KATNIP: variants seen among roughly 807,000 people sequenced by gnomAD.
The protein encoded by KATNIP is katanin-interacting protein.
In KATNIP, 126 loss-of-function variants were observed where a neutral mutation model predicts 174.0. That is an observed-to-expected ratio of 0.72 (90% CI 0.63 to 0.84). KATNIP has a LOEUF of 0.84. Among genes scored for constraint, KATNIP ranks in the 40% least tolerant of loss-of-function variants. The probability of loss-of-function intolerance (pLI) is 0.00; values close to 1 mark genes in which losing one functional copy is unlikely to be tolerated. For missense variants in KATNIP, 1,958 were observed against 2,109.7 expected (o/e 0.93, Z 1.41); for synonymous variants, 810 against 835.7 (o/e 0.97, Z 0.53).
intron 8 of KATNIP, among the ~76,000 whole-genome samples, chr16:27,696,894 A>G (rs1471018196): frequency 6.6e-6 from 1 of 151,864 alleles, no homozygotes; most frequent in African/African-American, 2.4e-5. Context: ...ACACCCAGCT[A>G]ATTTTTGTAT....
At chr16:27,681,049 C>CT (rs2078319006) in intron 7 of KATNIP, 1 of 284,032 alleles carries the variant, frequency 3.5e-6, no homozygotes, top group East Asian at 8.2e-5. Flanking sequence ...CTAGGCTGGT[C>CT]TTTATCTCCT....
chr16:27,624,275 G>T (rs1341240343), intron 3 of KATNIP, among the ~76,000 whole-genome samples: 1 of 152,106 alleles, frequency 6.6e-6, no homozygotes, highest in Non-Finnish European at 1.5e-5. Flanking sequence ...GGCCCACGAG[G>T]AGGAGACTCC....
chr16:27,660,214 A>G (rs1008653836), intron 6 of KATNIP, among the ~76,000 whole-genome samples: 1 of 152,128 alleles, frequency 6.6e-6, no homozygotes, highest in Non-Finnish European at 1.5e-5. Flanking sequence ...GAAATCGTAA[A>G]TCCTAGGTAT....
Position 27,777,649 on chromosome 16 carries a change from G to T in KATNIP, c.4591G>T (p.Ala1531Ser). Residue 1531 changes from alanine to serine, a missense_variant, in exon 26 of 28, where the codon GCC becomes TCC. By Grantham distance (99) the Ala-to-Ser change is moderately conservative. This residue lies in a region of KATNIP where 383 missense variants were observed against 456.0 expected (regional missense o/e 0.84). Transcript: ENST00000261588. This position sits in a 1 kb window ranked among gnomAD's most constrained non-coding sequence, Gnocchi z 4.4. ...DDLLVYNGIL[A>S]MVSHLVGGIL... ...CCTGCTTGTGTACAATGGGATCCTG[G>T]CCATGGTGAGCCACCTGGTGGGGGG... 6.2e-7 allele frequency: 1 copy of T among 1,613,656 alleles called. No homozygotes were observed. The highest frequency in any genetic ancestry group is 8.5e-7 in the Non-Finnish European group (1 of 1,179,852).
chr16:27,766,786 G>T (rs1245354222), intron 20 of KATNIP, among the ~76,000 whole-genome samples: 1 of 152,120 alleles, frequency 6.6e-6, no homozygotes, highest in Non-Finnish European at 1.5e-5. Context: ...TGCTCGGGTG[G>T]CCAGGCCTCT....
At chr16:27,749,055 T>C (rs1406100187) in intron 15 of KATNIP, among the ~76,000 whole-genome samples, 1 of 152,192 alleles carries the variant, frequency 6.6e-6, no homozygotes, top group Non-Finnish European at 1.5e-5. Flanking sequence ...TGTGACAGTC[T>C]CCAGCACACA....
rs770498148 is a variant in KATNIP, at chr16:27,769,856, G to A, written c.3976-5G>A. The A allele has an allele frequency of 5.7e-5, 92 of 1,611,978 alleles. No homozygotes were observed. Among genetic ancestry groups the A allele is most frequent in the Non-Finnish European group, 7.6e-5 (90 of 1,178,348 alleles). On this transcript the variant is annotated splice_region_variant and splice_polypyrimidine_tract_variant and intron_variant, in intron 20 of 27. Transcript: ENST00000261588. Reference sequence around the variant, plus strand: ...TTCAGTCATGTTATTTCTTTTGTTTGCCAGGCCAAGATTGTCCACGTCTCC... The same window carrying A: ...TTCAGTCATGTTATTTCTTTTGTTTACCAGGCCAAGATTGTCCACGTCTCC...
chr16:27,591,214 C>T (rs2075151291), intron 2 of KATNIP, among the ~76,000 whole-genome samples: 1 of 150,282 alleles, frequency 6.7e-6, no homozygotes, highest in Admixed American at 6.6e-5. Flanking sequence ...GAGACGGAGT[C>T]TCGCTCTGTC....
chr16:27,583,452 G>A (rs1311430461), intron 2 of KATNIP, among the ~76,000 whole-genome samples: 1 of 152,188 alleles, frequency 6.6e-6, no homozygotes, highest in East Asian at 1.9e-4. Context: ...GCTAAGAGGA[G>A]GTTCCTGCAA....
chr16:27,635,235 G>A (rs2076598948), intron 5 of KATNIP, among the ~76,000 whole-genome samples: 1 of 152,214 alleles, frequency 6.6e-6, no homozygotes, highest in African/African-American at 2.4e-5. Flanking sequence ...AAGGAAGTGG[G>A]TCAAAGTGCA....
chr16:27,591,177 T>A (rs1434554644), intron 2 of KATNIP, among the ~76,000 whole-genome samples: 1 of 152,048 alleles, frequency 6.6e-6, no homozygotes, highest in Non-Finnish European at 1.5e-5. Context: ...GGAATGGAGT[T>A]GCACTTTCTT....
Position 27,704,914 on chromosome 16 carries a change from T to C in KATNIP, c.1389+916T>C, listed in dbSNP as rs1197175621. Among the ~76,000 whole-genome samples, 15 of 141,948 alleles carry C rather than the reference T, an allele frequency of 1.1e-4. 1 individual carries two copies. Among genetic ancestry groups the C allele is most frequent in the African/African-American group, 4.1e-4 (14 of 34,294 alleles). 93.1% of individuals were successfully genotyped at this position (141,948 alleles called of 152,430 possible). On this transcript the variant is annotated intron_variant, in intron 12 of 27. Coordinates refer to ENST00000261588, the MANE Select transcript of KATNIP (RefSeq NM_015202.5). The stretch of plus-strand genomic sequence containing the variant: ...GTTCTTTTCTTTTTTTTCTTTTTTT[T>C]TTTTTTTTTTTTCTTAGACAGAGCC...
chr16:27,662,115 G>C (rs1287137096), intron 6 of KATNIP, among the ~76,000 whole-genome samples: 1 of 88,414 alleles, frequency 1.1e-5, no homozygotes, highest in Non-Finnish European at 2.3e-5. Flanking sequence ...TATATATATA[G>C]TATAAATGGG....
intron 13 of KATNIP, among the ~76,000 whole-genome samples, chr16:27,719,847 T>C (rs998108505): frequency 6.6e-6 from 1 of 151,396 alleles, no homozygotes; most frequent in African/African-American, 2.4e-5. Context: ...TTTTTAAAAT[T>C]TTTTTGTAGA....
intron 2 of KATNIP, among the ~76,000 whole-genome samples, chr16:27,609,695 A>ATTT (rs34407543): frequency 5.3e-5 from 7 of 131,082 alleles, no homozygotes; most frequent in African/African-American, 8.4e-5. Context: ...CTGCCAAGTC[A>ATTT]TTTTTTTTTT....
At chr16:27,589,355 T>C (rs1295122033) in intron 2 of KATNIP, among the ~76,000 whole-genome samples, 1 of 152,200 alleles carries the variant, frequency 6.6e-6, no homozygotes, top group Non-Finnish European at 1.5e-5. Flanking sequence ...GGCCACACGG[T>C]CTCTTGTCAC....
Position 27,740,935 on chromosome 16 carries a change from G to A in KATNIP, c.2623+15G>A, listed in dbSNP as rs952889396. On this transcript the variant is annotated intron_variant, in intron 15 of 27. Transcript: ENST00000261588. Reference sequence around the variant, plus strand: ...AGCCAGCAGAGGTAAGCTCCAAAGAGCAGCCCGACTTGGGCATCATCATCC... The same window carrying A: ...AGCCAGCAGAGGTAAGCTCCAAAGAACAGCCCGACTTGGGCATCATCATCC... The A allele has an allele frequency of 1.3e-6, 2 of 1,573,970 alleles. No homozygotes were observed. The highest frequency in any genetic ancestry group is 2.7e-5 in the African/African-American group (2 of 74,554).
At position 27,606,460 on chromosome 16, in the gene KATNIP, G is replaced by A. The variant is rs372849228; in HGVS notation, c.64-11965G>A. Among the ~76,000 whole-genome samples the A allele has an allele frequency of 4.2e-4, 63 of 151,790 alleles. No individual in the cohort carries two copies. In the South Asian group the frequency reaches 0.012, roughly 29 times the overall value. On this transcript the variant is annotated intron_variant, in intron 2 of 27. Coordinates refer to ENST00000261588, the MANE Select transcript of KATNIP (RefSeq NM_015202.5). ...CCACTGTACCACCCAGTACCCACTC[G>A]GGTATAAATCTCTCTCATACACACA...
intron 2 of KATNIP, among the ~76,000 whole-genome samples, chr16:27,593,846 A>G (rs2075255754): frequency 6.6e-6 from 1 of 152,192 alleles, no homozygotes; most frequent in African/African-American, 2.4e-5. Context: ...TCTCAGGATT[A>G]TTAGCCCTAC....
Sources: gnomAD v4.1 joint callset for allele counts (sites outside exome capture counted in the v4.1 genomes callset) on GRCh38, gnomAD v4.1.1 for gene constraint, gnomAD v4.1.1 regional missense constraint, Gnocchi (gnomAD v3.1) non-coding constraint, MANE v1.5 for transcripts, NCBI Gene and HGNC (gene_info 2026-07-23, HGNC 2026-07-21) for gene names.